WWOX: variants seen among roughly 807,000 people sequenced by gnomAD.
WWOX encodes WW domain containing oxidoreductase, also known as WW domain-containing oxidoreductase.
A neutral mutation model predicts 46.2 loss-of-function variants in WWOX; 69 were observed. The ratio of observed to expected loss-of-function variants is 1.49; its 90% CI spans 1.23 to 1.82. The LOEUF (loss-of-function observed/expected upper bound fraction) is 1.82. WWOX is among the 40% of genes most tolerant of loss of function. The pLI is 0.00. For synonymous variants in WWOX, 359 were observed against 202.6 expected, an observed-to-expected ratio of 1.77 and a Z score of -6.56; for missense variants, 919 against 542.6, an observed-to-expected ratio of 1.69 and a Z score of -6.89.
intron 8 of WWOX, among the ~76,000 whole-genome samples, chr16:78,959,269 C>G (rs1290645465): frequency 2.0e-5 from 3 of 152,162 alleles, no homozygotes; most frequent in Admixed American, 6.5e-5. Flanking sequence ...GGGCATTGAA[C>G]TTAATTCATT....
intron 8 of WWOX, among the ~76,000 whole-genome samples, chr16:78,572,931 A>C (rs960474632): frequency 2.0e-5 from 3 of 152,160 alleles, no homozygotes; most frequent in African/African-American, 7.2e-5. Context: ...TGCTTATGTG[A>C]AGTCTTGTTA....
chr16:78,775,935 C>T (rs556404141), intron 8 of WWOX, among the ~76,000 whole-genome samples: 1 of 152,246 alleles, frequency 6.6e-6, no homozygotes, highest in East Asian at 1.9e-4. Flanking sequence ...AGTCAGTGGC[C>T]ATCACTACTC....
At chr16:79,061,156 A>G (rs2048351375) in intron 8 of WWOX, among the ~76,000 whole-genome samples, 1 of 152,180 alleles carries the variant, frequency 6.6e-6, no homozygotes, top group Non-Finnish European at 1.5e-5. Context: ...TGAGGGAGAA[A>G]TGATAACCAG....
At chr16:79,097,996 G>C (rs1217349698) in intron 8 of WWOX, among the ~76,000 whole-genome samples, 1 of 152,140 alleles carries the variant, frequency 6.6e-6, no homozygotes, top group East Asian at 1.9e-4. Context: ...CCATATCCCA[G>C]TGGCCCCAAA....
intron 8 of WWOX, among the ~76,000 whole-genome samples, chr16:79,202,048 C>G (rs980145676): frequency 6.9e-6 from 1 of 144,432 alleles, no homozygotes; most frequent in Non-Finnish European, 1.5e-5. Flanking sequence ...TAAATCTGGC[C>G]CAGTGCCTTT....
chr16:78,928,053 A>G (rs2045538918), intron 8 of WWOX, among the ~76,000 whole-genome samples: 1 of 151,926 alleles, frequency 6.6e-6, no homozygotes, highest in Non-Finnish European at 1.5e-5. Flanking sequence ...AAAATATCAT[A>G]CTCTCAGATC....
At chr16:78,190,373 A>G (rs188158183) in intron 5 of WWOX, among the ~76,000 whole-genome samples, 64 of 152,266 alleles carry the variant, frequency 4.2e-4, no homozygotes, top group Non-Finnish European at 7.5e-4. Flanking sequence ...CCGACCTTGA[A>G]ATAAGGTGGA....
intron 8 of WWOX, among the ~76,000 whole-genome samples, chr16:78,478,339 A>G (rs369631019): frequency 5.3e-5 from 8 of 152,282 alleles, no homozygotes; most frequent in East Asian, 3.9e-4. Flanking sequence ...CCCTTAAATG[A>G]TGTTTTTAAA....
intron 8 of WWOX, among the ~76,000 whole-genome samples, chr16:79,123,957 A>G (rs1225908096): frequency 6.6e-6 from 1 of 152,194 alleles, no homozygotes; most frequent in Non-Finnish European, 1.5e-5. Context: ...AATTGGTACC[A>G]TTAGGATAAA....
intron 8 of WWOX, among the ~76,000 whole-genome samples, chr16:78,583,420 C>A (rs2045113612): frequency 6.6e-6 from 1 of 152,166 alleles, no homozygotes; most frequent in African/African-American, 2.4e-5. Flanking sequence ...ACTGTGGTAT[C>A]TTCAAAGGAA....
chr16:78,868,479 TAAC>T (rs1284774514), intron 8 of WWOX, among the ~76,000 whole-genome samples: 1 of 91,090 alleles, frequency 1.1e-5, no homozygotes, highest in Non-Finnish European at 2.3e-5. Context: ...ATAAATATAC[TAAC>T]ATCAAACTGT....
intron 8 of WWOX, among the ~76,000 whole-genome samples, chr16:79,169,977 G>T (rs1371191723): frequency 6.6e-6 from 1 of 152,142 alleles, no homozygotes. Context: ...AGGCTTGGGT[G>T]CTCTCCTGCA....
At position 78,108,488 on chromosome 16, in the gene WWOX, G is replaced by C. The variant is rs1377640182; in HGVS notation, c.172+1G>C. ...GGAAAAAGAAAACGAGTGGCAGGAG[G>C]TTTGTATGTTGTTGTCTAAGGATCT... On this transcript the variant is annotated splice_donor_variant, in intron 2 of 8. Coordinates refer to ENST00000566780, the MANE Select transcript of WWOX (RefSeq NM_016373.4). LOFTEE classifies it high-confidence loss of function. 1.2e-6 allele frequency: 2 copies of C among 1,613,730 alleles called. No individual in the cohort carries two copies. Among genetic ancestry groups the C allele is most frequent in the East Asian group, 4.5e-5 (2 of 44,874 alleles).
chr16:78,148,663 C>T (rs113812995), intron 4 of WWOX, among the ~76,000 whole-genome samples: 8,901 of 151,704 alleles, frequency 0.059, 304 homozygotes, highest in South Asian at 0.071. Flanking sequence ...TTTGGGAGAC[C>T]AGGGTGGGTA....
chr16:78,892,604 A>G (rs1351746072), intron 8 of WWOX, among the ~76,000 whole-genome samples: 8 of 152,220 alleles, frequency 5.3e-5, no homozygotes, highest in Admixed American at 5.2e-4. Context: ...TACCTGTGTT[A>G]TCTACTGAGA....
chr16:78,661,966 C>T (rs1423967491), intron 8 of WWOX, among the ~76,000 whole-genome samples: 1 of 152,142 alleles, frequency 6.6e-6, no homozygotes, highest in Non-Finnish European at 1.5e-5. Context: ...ATCATTTGAG[C>T]CCGGTAGATG....
At chr16:79,012,434 C>T (rs1394110083) in intron 8 of WWOX, among the ~76,000 whole-genome samples, 13 of 152,054 alleles carry the variant, frequency 8.5e-5, no homozygotes, top group Admixed American at 8.5e-4. Flanking sequence ...GGTTTCACCA[C>T]ATTGGCCAGG....
In WWOX at chr16:78,341,479, G is replaced by C. The variant is rs1214857662; in HGVS notation, c.517-45381G>C. ...TACTCATTCTTTTAAGCTTGTCTTA[G>C]ACGTGAGTATTATGTTTTATTTTGC... On this transcript the variant is annotated intron_variant, in intron 5 of 8. Transcript: ENST00000566780. Among the ~76,000 whole-genome samples the C allele has an allele frequency of 4.2e-5, 5 of 120,010 alleles. 2 individuals are homozygous for C. The highest frequency in any genetic ancestry group is 1.6e-4 in the Admixed American group (2 of 12,362). 78.7% of individuals were successfully genotyped at this position (120,010 alleles called of 152,430 possible). A position where few individuals can be genotyped will look rare whatever the true frequency, so the allele number is the denominator to read the frequency against.
At chr16:78,957,268 C>T (rs768644074) in intron 8 of WWOX, among the ~76,000 whole-genome samples, 7 of 152,134 alleles carry the variant, frequency 4.6e-5, no homozygotes, top group Non-Finnish European at 8.8e-5. Context: ...TTTGAGATAC[C>T]GACATGCGTG....
Sources: gnomAD v4.1 joint callset for allele counts (sites outside exome capture counted in the v4.1 genomes callset) on GRCh38, gnomAD v4.1.1 for gene constraint, MANE v1.5 for transcripts, NCBI Gene and HGNC (gene_info 2026-07-23, HGNC 2026-07-21) for gene names.